The following PRKD1 variants were observed in gnomAD, a reference collection of about 807,000 sequenced individuals.
PRKD1 encodes protein kinase D1.
In PRKD1, 63 loss-of-function variants were observed where a neutral mutation model predicts 95.9. That is an observed-to-expected ratio of 0.66 (90% CI 0.54 to 0.81). The LOEUF is 0.81. Ranked by LOEUF, PRKD1 falls within the 30% of genes least tolerant of loss-of-function variation. The pLI is 0.00. For synonymous variants in PRKD1, 425 were observed against 423.1 expected, an observed-to-expected ratio of 1.00 and a Z score of -0.05; for missense variants, 1,048 against 1,165.3, an observed-to-expected ratio of 0.90 and a Z score of 1.47.
At chr14:29,686,190 T>C (rs1196170404) in intron 2 of PRKD1, among the ~76,000 whole-genome samples, 2 of 152,132 alleles carry the variant, frequency 1.3e-5, no homozygotes, top group African/African-American at 4.8e-5. Flanking sequence ...TTTGAATCAT[T>C]TTGGGTTCTT....
chr14:29,631,057 A>C, intron 9 of PRKD1, 36 bp from the exon 10 acceptor site: 1 of 1,534,776 alleles, frequency 6.5e-7, no homozygotes, highest in Non-Finnish European at 8.8e-7. Flanking sequence ...GTTGTTTATC[A>C]AAAGTATGTA....
At chr14:29,773,353 G>A (rs576351760) in intron 1 of PRKD1, among the ~76,000 whole-genome samples, 217 of 151,838 alleles carry the variant, frequency 1.4e-3, no homozygotes, top group African/African-American at 4.5e-3. Context: ...CTAGCTACTC[G>A]GGAGGCTGAG....
intron 2 of PRKD1, among the ~76,000 whole-genome samples, chr14:29,711,161 G>T (rs998081881): frequency 1.3e-5 from 2 of 152,082 alleles, no homozygotes; most frequent in African/African-American, 4.8e-5. Context: ...TTTGTCCTAG[G>T]TGGAAAAGGT....
chr14:29,780,432 A>T lies in PRKD1; in HGVS notation c.265-54758T>A, dbSNP rs137946386. On this transcript the variant is annotated intron_variant, in intron 1 of 17. Coordinates refer to ENST00000331968, the MANE Select transcript of PRKD1 (RefSeq NM_002742.3). ...TCCAGAATCTACCAAGAACTTAAACAAATTTACAAGAAAACATCGAACAAC... is the reference window on the plus strand; with the variant it reads ...TCCAGAATCTACCAAGAACTTAAACTAATTTACAAGAAAACATCGAACAAC... 6.1e-3 allele frequency among the ~76,000 whole-genome samples: 927 copies of T among 152,370 alleles called. 7 individuals are homozygous for T. Among genetic ancestry groups the T allele is most frequent in the Non-Finnish European group, 0.011 (716 of 68,038 alleles).
In PRKD1 at chr14:29,624,268, G is replaced by GA; in HGVS notation, c.1799-11dup. ...GTTTTACGATGTTTTCCTTTAAAATGAAAAAGGGAAGCATTAGTAAGTTAT... is the reference window on the plus strand; with the variant it reads ...GTTTTACGATGTTTTCCTTTAAAATGAAAAAAGGGAAGCATTAGTAAGTTAT... On this transcript the variant is annotated splice_polypyrimidine_tract_variant and intron_variant, in intron 12 of 17. Coordinates refer to ENST00000331968, the MANE Select transcript of PRKD1 (RefSeq NM_002742.3). 1.3e-6 allele frequency: 2 copies of GA among 1,569,348 alleles called. No individual in the cohort carries two copies. The highest frequency in any genetic ancestry group is 1.8e-5 in the Admixed American group (1 of 55,626).
chr14:29,780,676 T>C (rs1889001936), intron 1 of PRKD1, among the ~76,000 whole-genome samples: 1 of 152,114 alleles, frequency 6.6e-6, no homozygotes, highest in East Asian at 1.9e-4. Context: ...TAAGAACACT[T>C]TTACATTGTT....
At chr14:29,661,544 A>G (rs1247351940) in intron 4 of PRKD1, among the ~76,000 whole-genome samples, 2 of 152,330 alleles carry the variant, frequency 1.3e-5, no homozygotes, top group South Asian at 2.1e-4. Context: ...GAAAGGGAAC[A>G]AAGGCAACAG....
At position 29,577,446 on chromosome 14, in the gene PRKD1, G is replaced by A; in HGVS notation, c.2531C>T (p.Thr844Ile). ...TTCCAGCTCTCGCAAATCTAACCAG[G>A]TCTGATAGTCCTGAAGAAGAAATTC... ...LSHPWLQDYQ[T>I]WLDLRELECK... The change falls in exon 18 of 18, where the codon ACC becomes ATC. Residue 844 changes from threonine (T) to isoleucine (I), a missense_variant. Transcript: ENST00000331968. The A allele has an allele frequency of 1.2e-6, 2 of 1,613,578 alleles. No individual in the cohort carries two copies. The highest frequency in any genetic ancestry group is 1.7e-6 in the Non-Finnish European group (2 of 1,179,688).
intron 1 of PRKD1, among the ~76,000 whole-genome samples, chr14:29,747,746 T>A (rs886269756): frequency 2.0e-5 from 3 of 152,076 alleles, no homozygotes; most frequent in Non-Finnish European, 4.4e-5. Flanking sequence ...CTTTATTAAT[T>A]AATATATTTA....
intron 16 of PRKD1, among the ~76,000 whole-genome samples, chr14:29,581,390 T>A (rs1892750700): frequency 6.6e-6 from 1 of 152,148 alleles, no homozygotes; most frequent in Non-Finnish European, 1.5e-5. Flanking sequence ...AAAATTACAT[T>A]CATATTCTTA....
chr14:29,746,803 A>G (rs1260342331), intron 1 of PRKD1, among the ~76,000 whole-genome samples: 1 of 152,208 alleles, frequency 6.6e-6, no homozygotes, highest in East Asian at 1.9e-4. Flanking sequence ...ACATTAGAAT[A>G]TAACTTCCTT....
chr14:29,614,187 A>G (rs1185381687), intron 13 of PRKD1, among the ~76,000 whole-genome samples: 2 of 152,186 alleles, frequency 1.3e-5, no homozygotes, highest in Admixed American at 1.3e-4. Flanking sequence ...TTCCATGGGG[A>G]GAACAATAAT....
chr14:29,778,697 T>C (rs1289295804), intron 1 of PRKD1, among the ~76,000 whole-genome samples: 1 of 152,208 alleles, frequency 6.6e-6, no homozygotes, highest in Admixed American at 6.5e-5. Context: ...ACAGCCGAAT[T>C]CTACCAGAGG....
chr14:29,636,672 T>C (rs1880404136), intron 6 of PRKD1, among the ~76,000 whole-genome samples, 178 bp from the exon 7 acceptor site: 1 of 152,188 alleles, frequency 6.6e-6, no homozygotes, highest in Admixed American at 6.5e-5. Flanking sequence ...TGCAGGTTTA[T>C]TACATAGGTA....
chr14:29,904,718 A>T (rs1037567050), intron 1 of PRKD1, among the ~76,000 whole-genome samples: 2 of 152,162 alleles, frequency 1.3e-5, no homozygotes, highest in Non-Finnish European at 2.9e-5. Context: ...ATAATTAGGG[A>T]TATATGCTGA....
intron 2 of PRKD1, among the ~76,000 whole-genome samples, chr14:29,700,988 G>GCGCACA (rs140824053): frequency 2.6e-4 from 24 of 90,598 alleles, no homozygotes; most frequent in Admixed American, 7.4e-4. Context: ...GCGCGCGCGC[G>GCGCACA]CACACACACA....
intron 1 of PRKD1, among the ~76,000 whole-genome samples, chr14:29,768,670 GTTGT>G (rs1387348733): frequency 6.7e-6 from 1 of 150,014 alleles, no homozygotes; most frequent in Non-Finnish European, 1.5e-5. Context: ...GTATTTGTTT[GTTGT>G]TTGTTTGTTC....
chr14:29,615,345 A>G (rs1468494888), intron 13 of PRKD1, among the ~76,000 whole-genome samples: 1 of 152,234 alleles, frequency 6.6e-6, no homozygotes, highest in Non-Finnish European at 1.5e-5. Context: ...CTAGATACCA[A>G]CTTAAAAATA....
Position 29,638,891 on chromosome 14 carries a change from G to T in PRKD1, c.710C>A (p.Ser237Ter). The T allele has an allele frequency of 6.2e-7, 1 of 1,613,914 alleles. No individual in the cohort carries two copies. The highest frequency in any genetic ancestry group is 1.1e-5 in the South Asian group (1 of 91,054). ...CTTCTCTCGACCAATAAACGACTCT[G>T]ATGGTGATTTTTGCTACATTTTGGA... Reference protein sequence around the residue: ...PDEPLLQKSPSESFIGREKRS... With the variant: ...PDEPLLQKSP The change falls in exon 5 of 18, where the codon TCA (serine) becomes TAA (stop). Residue 237 changes from serine to a stop codon, truncating the protein, a stop_gained. Transcript: ENST00000331968. LOFTEE classifies it high-confidence loss of function.
Sources: allele counts gnomAD v4.1 joint callset (sites outside exome capture counted in the v4.1 genomes callset), GRCh38; gene constraint gnomAD v4.1.1; transcripts MANE v1.5; gene names NCBI Gene and HGNC (gene_info 2026-07-23, HGNC 2026-07-21).